The following ATP13A4 variants were observed in gnomAD, a reference collection of about 807,000 sequenced individuals.
ATP13A4 encodes probable cation-transporting ATPase 13A4.
Under a neutral mutation model 142.5 loss-of-function variants are expected in ATP13A4, and 114 were observed. The observed-to-expected ratio is 0.80, with a 90% CI of 0.69 to 0.93. The LOEUF (loss-of-function observed/expected upper bound fraction) is 0.93. Among genes scored for constraint, ATP13A4 ranks in the 40% least tolerant of loss-of-function variants. The pLI, the probability that ATP13A4 is intolerant of heterozygous loss-of-function variation, is 0.00. For synonymous variants in ATP13A4, 488 were observed against 514.8 expected, an observed-to-expected ratio of 0.95 and a Z score of 0.70; for missense variants, 1,392 against 1,454.0, an observed-to-expected ratio of 0.96 and a Z score of 0.69.
At chr3:193,464,438 G>T (rs185639541) in intron 12 of ATP13A4, among the ~76,000 whole-genome samples, 2 of 152,144 alleles carry the variant, frequency 1.3e-5, no homozygotes, top group Admixed American at 1.3e-4. Flanking sequence ...ATAATCAAGG[G>T]TAATTTTAAG....
intron 1 of ATP13A4, among the ~76,000 whole-genome samples, chr3:193,586,505 GCTTA>G (rs1183303717): frequency 6.6e-6 from 1 of 152,164 alleles, no homozygotes; most frequent in Non-Finnish European, 1.5e-5. Flanking sequence ...TTTTGTGCAT[GCTTA>G]CTAATTTAGT....
intron 3 of ATP13A4, among the ~76,000 whole-genome samples, chr3:193,498,647 G>A (rs567519897): frequency 6.6e-6 from 1 of 152,244 alleles, no homozygotes; most frequent in African/African-American, 2.4e-5. Context: ...TGCATTCTGG[G>A]CATAATATTT....
At chr3:193,541,590 C>CTTTG (rs372398164) in intron 1 of ATP13A4, among the ~76,000 whole-genome samples, 4 of 152,024 alleles carry the variant, frequency 2.6e-5, no homozygotes, top group East Asian at 1.9e-4. Flanking sequence ...CTGTTTCTTT[C>CTTTG]TTTGTTTGTT....
At chr3:193,410,410 T>A (rs1401144688) in intron 28 of ATP13A4, among the ~76,000 whole-genome samples, 1 of 152,186 alleles carries the variant, frequency 6.6e-6, no homozygotes, top group Non-Finnish European at 1.5e-5. Flanking sequence ...TCATAGGAGA[T>A]CTTTTAAAAT....
At chr3:193,474,538 A>G in intron 8 of ATP13A4, among the ~76,000 whole-genome samples, 1 of 146,518 alleles carries the variant, frequency 6.8e-6, no homozygotes, top group African/African-American at 2.5e-5. Flanking sequence ...CTGTCAAGAC[A>G]GAGAGAGAGA....
At position 193,491,331 on chromosome 3, in the gene ATP13A4, C is replaced by T; in HGVS notation, c.601G>A (p.Glu201Lys). ...VTPIWKLLIKEVLNPFYIFQL... is the reference protein window; with the variant it reads ...VTPIWKLLIKKVLNPFYIFQL... ...AGAGAAAATGCTGGAGAAATTACCTCCTTGATGAGCAGTTTCCAAATTGGT... is the reference window on the plus strand; with the variant it reads ...AGAGAAAATGCTGGAGAAATTACCTTCTTGATGAGCAGTTTCCAAATTGGT... The change falls in exon 6 of 30, where the codon GAG becomes AAG. Residue 201 changes from glutamate (E) to lysine (K), a missense_variant and splice_region_variant. Physicochemically the swap from Glu to Lys is moderately conservative, Grantham distance 56. Coordinates refer to ENST00000342695, the MANE Select transcript of ATP13A4 (RefSeq NM_032279.4). The T allele has an allele frequency of 1.3e-6, 2 of 1,594,950 alleles. No individual in the cohort carries two copies. Among genetic ancestry groups the T allele is most frequent in the Non-Finnish European group, 1.7e-6 (2 of 1,162,984 alleles).
At chr3:193,559,394 C>T (rs412001), upstream of ATP13A4, among the ~76,000 whole-genome samples, 59,697 of 151,932 alleles carry the variant, frequency 0.39, 12,113 homozygotes, top group South Asian at 0.57. Flanking sequence ...TTACACAAAT[C>T]TGCTATTTGT....
At chr3:193,516,522 C>T (rs1336145073) in intron 1 of ATP13A4, among the ~76,000 whole-genome samples, 1 of 152,212 alleles carries the variant, frequency 6.6e-6, no homozygotes, top group Non-Finnish European at 1.5e-5. Flanking sequence ...GGCAGCAATG[C>T]TCTCTTAATC....
intron 1 of ATP13A4, among the ~76,000 whole-genome samples, chr3:193,525,130 G>A (rs951594197): frequency 6.6e-6 from 1 of 152,130 alleles, no homozygotes; most frequent in African/African-American, 2.4e-5. Flanking sequence ...GTGAATGAAT[G>A]GCTCAAATTT....
chr3:193,479,342 A>G (rs1719158607), intron 8 of ATP13A4, among the ~76,000 whole-genome samples: 2 of 152,124 alleles, frequency 1.3e-5, no homozygotes, highest in African/African-American at 4.8e-5. Flanking sequence ...CTGTTCATCG[A>G]TGATATGATA....
At chr3:193,509,593 A>G (rs1158047469) in intron 2 of ATP13A4, among the ~76,000 whole-genome samples, 4 of 152,252 alleles carry the variant, frequency 2.6e-5, no homozygotes, top group Admixed American at 6.5e-5. Context: ...TAAATAATCA[A>G]TGACATACTG....
chr3:193,550,745 T>A (rs1486858652), intron 1 of ATP13A4, among the ~76,000 whole-genome samples: 1 of 152,248 alleles, frequency 6.6e-6, no homozygotes, highest in Non-Finnish European at 1.5e-5. Flanking sequence ...AAGGTTTTTT[T>A]ATTTTTTGTC....
At chr3:193,444,584 C>T (rs1167556586) in intron 18 of ATP13A4, among the ~76,000 whole-genome samples, 1 of 152,138 alleles carries the variant, frequency 6.6e-6, no homozygotes, top group Non-Finnish European at 1.5e-5. Flanking sequence ...TTAACTCTTC[C>T]CTGTTGAAAG....
chr3:193,555,199 G>A (rs1302619020), upstream of ATP13A4: 1 of 323,070 alleles, frequency 3.1e-6, no homozygotes, highest in Non-Finnish European at 6.0e-6. Context: ...CCCTTCTCAG[G>A]AGTGAGGAGC....
intron 25 of ATP13A4, among the ~76,000 whole-genome samples, chr3:193,422,523 C>T (rs1187163978): frequency 2.0e-5 from 3 of 149,644 alleles, no homozygotes; most frequent in African/African-American, 7.3e-5. Context: ...ATTATCATAT[C>T]AAGTATTGTT....
chr3:193,409,962 G>A (rs1372546064), intron 28 of ATP13A4, among the ~76,000 whole-genome samples: 1 of 152,180 alleles, frequency 6.6e-6, no homozygotes. Context: ...TTGAGATGGA[G>A]AGGCAACCAG....
intron 17 of ATP13A4, among the ~76,000 whole-genome samples, chr3:193,451,350 T>C (rs1409013431): frequency 6.6e-6 from 1 of 152,212 alleles, no homozygotes; most frequent in South Asian, 2.1e-4. Flanking sequence ...CTAGTATTTC[T>C]AGTTCCTCTG....
intron 17 of ATP13A4, among the ~76,000 whole-genome samples, chr3:193,452,975 A>G (rs181862559): frequency 2.0e-5 from 3 of 152,138 alleles, no homozygotes; most frequent in Admixed American, 1.3e-4. Context: ...TTTTACCAAG[A>G]CTTGTTAACC....
Position 193,414,643 on chromosome 3 carries a change from C to G in ATP13A4, c.2950G>C (p.Ala984Pro). The G allele has an allele frequency of 6.2e-7, 1 of 1,614,074 alleles. No individual in the cohort carries two copies. The change falls in exon 26 of 30, where the codon GCC (alanine) becomes CCC (proline). Residue 984 changes from alanine to proline, a missense_variant. Coordinates refer to ENST00000342695, the MANE Select transcript of ATP13A4 (RefSeq NM_032279.4). ...AGGATGAAGCCTGCAATATGCATGG[C>G]CAGGCTGAGAAGAATGTTGAAAATC... ...SVIFNILLSL[A>P]MHIAGFILVQ...
Sources: gnomAD v4.1 joint callset for allele counts (sites outside exome capture counted in the v4.1 genomes callset) on GRCh38, gnomAD v4.1.1 for gene constraint, MANE v1.5 for transcripts, NCBI Gene and HGNC (gene_info 2026-07-23, HGNC 2026-07-21) for gene names.